Variants in HERC6 observed in about 807,000 individuals in gnomAD.
HERC6 encodes probable E3 ubiquitin-protein ligase HERC6.
Under a neutral mutation model 114.5 loss-of-function variants are expected in HERC6, and 101 were observed. The ratio of observed to expected loss-of-function variants is 0.88; its 90% confidence interval spans 0.75 to 1.04. The LOEUF is 1.04. Ranked by LOEUF, HERC6 falls within the 50% of genes least tolerant of loss-of-function variation. HERC6 has a pLI of 0.00. For missense variants in HERC6, 1,133 were observed against 1,230.9 expected (o/e 0.92, Z 1.19); for synonymous variants, 408 against 436.2 (o/e 0.94, Z 0.81).
chr4:88,385,952 A>G lies in HERC6; in HGVS notation c.436+377A>G, dbSNP rs533431378. ...GTCAAGGTGTCAAAATCATGACTCT[A>G]TATTTTTTCTTTTTAAAAATTTTTA... is the stretch of plus-strand genomic sequence containing the variant. On this transcript the variant is annotated intron_variant, in intron 3 of 22. Coordinates refer to ENST00000264346, the MANE Select transcript of HERC6 (RefSeq NM_017912.4). Among the ~76,000 whole-genome samples the G allele has an allele frequency of 2.7e-3, 412 of 152,212 alleles. 2 individuals carry two copies. The highest frequency in any genetic ancestry group is 9.4e-3 in the African/African-American group (390 of 41,554).
rs780439580 is a variant in HERC6, at chr4:88,435,745, A to G, written c.2271A>G (p.Arg757=). 1.3e-5 allele frequency: 21 copies of G among 1,568,266 alleles called. No individual in the cohort carries two copies. The highest frequency in any genetic ancestry group is 3.7e-5 in the South Asian group (3 of 81,948). ...FPAKPKPEKK[R]YFLFGMLCGL... ...TCTAGCCTAAACCTGAGAAGAAAAG[A>G]TATTTCCTCTTTGGAATGCTGTGTG... Residue 757 remains arginine, a synonymous_variant, in exon 18 of 23, where the codon AGA becomes AGG. Coordinates refer to ENST00000264346, the MANE Select transcript of HERC6 (RefSeq NM_017912.4).
At chr4:88,379,954 AAT>A (rs1467107804) in intron 1 of HERC6, among the ~76,000 whole-genome samples, 1 of 576 alleles carries the variant, frequency 1.7e-3, no homozygotes, top group Non-Finnish European at 2.2e-3. Flanking sequence ...ATAATATATA[AAT>A]ATATATAATA....
chr4:88,429,107 T>C (rs2148981285), intron 16 of HERC6, among the ~76,000 whole-genome samples: 1 of 152,324 alleles, frequency 6.6e-6, no homozygotes, highest in South Asian at 2.1e-4. Flanking sequence ...TGAGTTTGTG[T>C]ACATGTCTGG....
chr4:88,411,391 C>A (rs979964843), intron 11 of HERC6, among the ~76,000 whole-genome samples: 2 of 151,996 alleles, frequency 1.3e-5, no homozygotes, highest in South Asian at 4.2e-4. Flanking sequence ...CTCTTTTGAC[C>A]CTATTTTTCT....
chr4:88,420,560 C>T (rs1202295476), intron 13 of HERC6, among the ~76,000 whole-genome samples: 1 of 152,048 alleles, frequency 6.6e-6, no homozygotes, highest in African/African-American at 2.4e-5. Flanking sequence ...AGAAGTCTTG[C>T]AGTCTTTTAT....
chr4:88,401,413 A>T (rs1257720858), intron 8 of HERC6, among the ~76,000 whole-genome samples: 1 of 150,336 alleles, frequency 6.7e-6, no homozygotes, highest in African/African-American at 2.5e-5. Context: ...AATTGCTTGA[A>T]CCTGGGAGGC....
intron 8 of HERC6, chr4:88,399,006 T>G (rs183748911): frequency 2.0e-5 from 3 of 152,332 alleles, no homozygotes; most frequent in East Asian, 3.9e-4. Flanking sequence ...CATGCTATAG[T>G]GCCTTCCTAA....
chr4:88,385,601 T>A, intron 3 of HERC6, 26 bp downstream of exon 3: 1 of 1,263,390 alleles, frequency 7.9e-7, no homozygotes, highest in Non-Finnish European at 1.1e-6. Flanking sequence ...TGGATCTGAG[T>A]GTGAGTAGGA....
At chr4:88,388,935 A>G (rs958173207) in intron 3 of HERC6, among the ~76,000 whole-genome samples, 4 of 152,184 alleles carry the variant, frequency 2.6e-5, no homozygotes, top group Admixed American at 1.3e-4. Context: ...AGCCATCTTG[A>G]AATATGTTAA....
chr4:88,432,768 A>G (rs968489037), intron 17 of HERC6, among the ~76,000 whole-genome samples: 5 of 151,926 alleles, frequency 3.3e-5, no homozygotes, highest in Non-Finnish European at 7.4e-5. Flanking sequence ...AGAAAAATAA[A>G]AAAGGTGATT....
At chr4:88,441,801 C>A (rs957061663) in intron 22 of HERC6, among the ~76,000 whole-genome samples, 2 of 152,202 alleles carry the variant, frequency 1.3e-5, no homozygotes, top group African/African-American at 4.8e-5. Context: ...TGTCTGTACA[C>A]CCCATGAGTT....
chr4:88,384,880 G>A lies in HERC6; in HGVS notation c.360-619G>A, dbSNP rs146000886. On this transcript the variant is annotated intron_variant, in intron 2 of 22. Transcript: ENST00000264346. ...ACTAAAAATACAAAAAAAAATAGCC[G>A]GACGTTGTGGTGCATGCCTGTAATC... Among the ~76,000 whole-genome samples, 795 of 152,160 alleles carry A rather than the reference G, an allele frequency of 5.2e-3. 7 individuals carry two copies. Among genetic ancestry groups the A allele is most frequent in the South Asian group, 0.022 (108 of 4,822 alleles).
At chr4:88,397,311 C>T (rs1177894552) in intron 7 of HERC6, among the ~76,000 whole-genome samples, 2 of 151,636 alleles carry the variant, frequency 1.3e-5, no homozygotes, top group South Asian at 2.1e-4. Context: ...GGGGTTTCTC[C>T]GTGTTGGTCA....
intron 1 of HERC6, among the ~76,000 whole-genome samples, chr4:88,379,668 T>C (rs1230883748): frequency 2.1e-5 from 2 of 97,380 alleles, no homozygotes; most frequent in South Asian, 3.0e-4. Context: ...TAAATATATA[T>C]AATATATAAA....
chr4:88,437,119 C>A, intron 19 of HERC6, 148 bp downstream of exon 19: 1 of 542,400 alleles, frequency 1.8e-6, no homozygotes, highest in Non-Finnish European at 3.2e-6. Context: ...TACAATGGCG[C>A]GATCTCGGTT....
intron 17 of HERC6, 37 bp from the exon 18 acceptor site, chr4:88,435,688 T>C (rs1187394434): frequency 7.5e-7 from 1 of 1,325,524 alleles, no homozygotes; most frequent in Non-Finnish European, 9.9e-7. Context: ...TTACTAATTA[T>C]TTATAATACC....
chr4:88,383,187 G>A, intron 1 of HERC6, 34 bp from the exon 2 acceptor site: 1 of 1,598,828 alleles, frequency 6.3e-7, no homozygotes, highest in Non-Finnish European at 8.5e-7. Flanking sequence ...ATCTGCAGTG[G>A]TGGTTGGGGG....
chr4:88,388,914 C>G (rs1734746084), intron 3 of HERC6, among the ~76,000 whole-genome samples: 1 of 152,160 alleles, frequency 6.6e-6, no homozygotes, highest in Non-Finnish European at 1.5e-5. Flanking sequence ...GCACTTCCAG[C>G]CCTACTGAAT....
chr4:88,417,402 C>T lies in HERC6; in HGVS notation c.1559-23C>T, dbSNP rs1289033508. ...GGGGTGGTAGGAAAAACATATTTAT[C>T]ATGGCTAATTTTACACCCCCAGAGA... On this transcript the variant is annotated intron_variant, in intron 12 of 22. Coordinates refer to ENST00000264346, the MANE Select transcript of HERC6 (RefSeq NM_017912.4). 3.8e-6 allele frequency: 6 copies of T among 1,599,184 alleles called. No homozygotes were observed. In the Admixed American group the frequency reaches 1.0e-4, roughly 28 times the overall value.
Sources: allele counts gnomAD v4.1 joint callset (sites outside exome capture counted in the v4.1 genomes callset), GRCh38; gene constraint gnomAD v4.1.1; transcripts MANE v1.5; gene names NCBI Gene and HGNC (gene_info 2026-07-23, HGNC 2026-07-21).